CACNB2: variants seen among roughly 807,000 people sequenced by gnomAD.
CACNB2 encodes the protein voltage-dependent L-type calcium channel subunit beta-2.
A neutral mutation model predicts 73.3 loss-of-function variants in CACNB2; 42 were observed. That is an observed-to-expected ratio of 0.57 (90% CI 0.45 to 0.74). The LOEUF (loss-of-function observed/expected upper bound fraction) is 0.74, where lower values mean the gene tolerates loss of function less well. CACNB2 is among the 30% of genes least tolerant of loss of function. CACNB2 has a pLI of 0.00. For synonymous variants in CACNB2, 348 were observed against 310.3 expected (o/e 1.12, Z -1.28); for missense variants, 940 against 853.0 (o/e 1.10, Z -1.27).
At chr10:18,512,305 G>C (rs4747349) in intron 6 of CACNB2, among the ~76,000 whole-genome samples, 53,700 of 151,886 alleles carry the variant, frequency 0.35, 9,938 homozygotes, top group East Asian at 0.7. Context: ...CATTTTATTA[G>C]ACAGATTTCA....
At chr10:18,491,840 A>AAAT (rs886170562) in intron 3 of CACNB2, among the ~76,000 whole-genome samples, 1 of 139,794 alleles carries the variant, frequency 7.2e-6, no homozygotes, top group Non-Finnish European at 1.5e-5. Flanking sequence ...AAAAAAAAAA[A>AAAT]AAAAAAAGCC....
At position 18,418,916 on chromosome 10, in the gene CACNB2, C is replaced by T. The variant is rs1031817528; in HGVS notation, c.333+16873C>T. ...TTCATTCCCTGGATTTTTAAACAAC[C>T]AACTATCCCTTTGTCTTCTTAGAGG... is the stretch of plus-strand genomic sequence containing the variant. On this transcript the variant is annotated intron_variant, in intron 3 of 13. Coordinates refer to ENST00000324631, the MANE Select transcript of CACNB2 (RefSeq NM_201596.3). Among the ~76,000 whole-genome samples the T allele has an allele frequency of 2.6e-5, 4 of 152,184 alleles. No individual in the cohort carries two copies. The East Asian group carries it at 5.8e-4, about 22-fold the overall frequency.
At chr10:18,483,483 A>G (rs1381411205) in intron 3 of CACNB2, among the ~76,000 whole-genome samples, 1 of 150,412 alleles carries the variant, frequency 6.6e-6, no homozygotes, top group Non-Finnish European at 1.5e-5. Flanking sequence ...GTGAGCCAAG[A>G]TCACTCCACT....
At chr10:18,439,211 A>G (rs2046297785) in intron 3 of CACNB2, among the ~76,000 whole-genome samples, 1 of 152,316 alleles carries the variant, frequency 6.6e-6, no homozygotes, top group Admixed American at 6.5e-5. Context: ...TCTGCATTTC[A>G]CGAGATGCTG....
chr10:18,171,860 C>A (rs1350009639), intron 2 of CACNB2, among the ~76,000 whole-genome samples: 2 of 152,098 alleles, frequency 1.3e-5, no homozygotes, highest in Non-Finnish European at 1.5e-5. Flanking sequence ...TCTGTTATTA[C>A]ATCAATGCTT....
At chr10:18,363,004 G>A (rs930511246) in intron 2 of CACNB2, among the ~76,000 whole-genome samples, 1 of 152,158 alleles carries the variant, frequency 6.6e-6, no homozygotes, top group Admixed American at 6.5e-5. Flanking sequence ...GGGCTAATTG[G>A]CTCTACCTGT....
intron 2 of CACNB2, among the ~76,000 whole-genome samples, chr10:18,393,622 A>G (rs2043584256): frequency 6.6e-6 from 1 of 152,238 alleles, no homozygotes; most frequent in African/African-American, 2.4e-5. Context: ...CTGAAAGAAG[A>G]CACTTGAATC....
At chr10:18,378,504 T>G (rs144235123) in intron 2 of CACNB2, among the ~76,000 whole-genome samples, 2 of 152,274 alleles carry the variant, frequency 1.3e-5, no homozygotes, top group Non-Finnish European at 2.9e-5. Context: ...ATCTTAGAAC[T>G]TTGGGAGGCT....
At chr10:18,320,563 C>G (rs1229226697) in intron 2 of CACNB2, among the ~76,000 whole-genome samples, 1 of 152,186 alleles carries the variant, frequency 6.6e-6, no homozygotes, top group African/African-American at 2.4e-5. Flanking sequence ...TGAATTTAGA[C>G]TGCGGGGACA....
chr10:18,433,421 G>T lies in CACNB2; in HGVS notation c.333+31378G>T, dbSNP rs374177231. On this transcript the variant is annotated intron_variant, in intron 3 of 13. Coordinates refer to ENST00000324631, the MANE Select transcript of CACNB2 (RefSeq NM_201596.3). ...GGTGATGGATTAAGCATCCAGTTTT[G>T]CCCTGCACAGAACTCTGTTGATTGT... Among the ~76,000 whole-genome samples, 49 of 152,284 alleles carry T rather than the reference G, an allele frequency of 3.2e-4. 1 individual carries two copies. The East Asian group carries it at 8.3e-3, about 26-fold the overall frequency.
intron 2 of CACNB2, among the ~76,000 whole-genome samples, chr10:18,350,154 A>G (rs1589112081): frequency 6.6e-6 from 1 of 152,304 alleles, no homozygotes; most frequent in East Asian, 1.9e-4. Flanking sequence ...GTGAGGCAGG[A>G]GAATCGCTTG....
chr10:18,169,314 C>T (rs1384946485), intron 2 of CACNB2, among the ~76,000 whole-genome samples: 2 of 152,054 alleles, frequency 1.3e-5, no homozygotes, highest in Non-Finnish European at 2.9e-5. Context: ...AAAGAATTTA[C>T]ATGTTTACCA....
At chr10:18,532,840 G>T (rs1295015048) in intron 10 of CACNB2, among the ~76,000 whole-genome samples, 5 of 152,138 alleles carry the variant, frequency 3.3e-5, no homozygotes, top group African/African-American at 7.2e-5. Context: ...GAAAATCTTT[G>T]TGATCAGATT....
At position 18,518,926 on chromosome 10, in the gene CACNB2, A is replaced by T; in HGVS notation, c.902A>T (p.Gln301Leu). 1 of 1,613,834 alleles carries T rather than the reference A, an allele frequency of 6.2e-7. No individual in the cohort carries two copies. ...CAATTGCAGGTCACAGATATGATGCAAAAAGCGCTGTTTGATTTTTTAAAA... is the reference window on the plus strand; with the variant it reads ...CAATTGCAGGTCACAGATATGATGCTAAAAGCGCTGTTTGATTTTTTAAAA... ...LKGYEVTDMM[Q>L]KALFDFLKHR... is the part of the protein sequence containing the mutation. Residue 301 changes from glutamine (Q) to leucine (L), a missense_variant, in exon 9 of 14, where the codon CAA becomes CTA. Gln to Leu is a moderately radical substitution (Grantham distance 113, BLOSUM62 -2). Transcript: ENST00000324631.
At chr10:18,363,691 G>T (rs184657993) in intron 2 of CACNB2, among the ~76,000 whole-genome samples, 2 of 152,082 alleles carry the variant, frequency 1.3e-5, no homozygotes, top group African/African-American at 4.8e-5. Flanking sequence ...TGAGCCAGAG[G>T]GTCTGAATTC....
chr10:18,368,034 A>C (rs7920123), intron 2 of CACNB2, among the ~76,000 whole-genome samples: 44,370 of 151,916 alleles, frequency 0.29, 6,895 homozygotes, highest in East Asian at 0.66. Flanking sequence ...GTAGAATGAG[A>C]TTATTTCACT....
chr10:18,474,875 C>A (rs1443904030), intron 3 of CACNB2, among the ~76,000 whole-genome samples: 1 of 151,742 alleles, frequency 6.6e-6, no homozygotes, highest in South Asian at 2.1e-4. Flanking sequence ...GCAGACCCAA[C>A]AGGTTGAAGG....
At chr10:18,212,457 G>A (rs1314081151) in intron 2 of CACNB2, among the ~76,000 whole-genome samples, 1 of 152,066 alleles carries the variant, frequency 6.6e-6, no homozygotes, top group Non-Finnish European at 1.5e-5. Flanking sequence ...TCTACCCCCA[G>A]TCTATGAGTT....
In CACNB2 at chr10:18,541,017, A is replaced by ATCTT. The variant is rs1277053104; in HGVS notation, c.*1295_*1298dup. 2 of 148,700 alleles carry ATCTT rather than the reference A, an allele frequency of 1.3e-5. No individual in the cohort carries two copies. The highest frequency in any genetic ancestry group is 2.5e-5 in the African/African-American group (1 of 40,202). 9.2% of individuals were successfully genotyped at this position (148,700 alleles called of 1,614,324 possible). A position where few individuals can be genotyped will look rare whatever the true frequency, so the allele number is the denominator to read the frequency against. On this transcript the variant is annotated 3_prime_UTR_variant, in exon 14 of 14. Transcript: ENST00000324631. ...GTGAGTGTTTCACTGGAAATGTACA[A>ATCTT]TCTTTGTGTGTTAGAGTATTTGTTT...
Sources: gnomAD v4.1 joint callset for allele counts (sites outside exome capture counted in the v4.1 genomes callset) on GRCh38, gnomAD v4.1.1 for gene constraint, MANE v1.5 for transcripts, NCBI Gene and HGNC (gene_info 2026-07-23, HGNC 2026-07-21) for gene names.